The following BOP1 variants were observed in gnomAD, a reference collection of about 807,000 sequenced individuals.
BOP1 encodes BOP1 ribosomal biogenesis factor.
A neutral mutation model predicts 82.9 loss-of-function variants in BOP1; 54 were observed. The observed-to-expected ratio is 0.65, with a 90% CI of 0.52 to 0.82. The LOEUF (loss-of-function observed/expected upper bound fraction) is 0.82, where lower values mean the gene tolerates loss of function less well. Among genes scored for constraint, BOP1 ranks in the 40% least tolerant of loss-of-function variants. BOP1 has a pLI of 0.00. For missense variants in BOP1, 1,170 were observed against 1,072.0 expected, an observed-to-expected ratio of 1.09 and a Z score of -1.28; for synonymous variants, 566 against 451.1, an observed-to-expected ratio of 1.25 and a Z score of -3.23.
intron 2 of BOP1, among the ~76,000 whole-genome samples, chr8:144,280,817 A>G (rs1554838808): frequency 6.6e-6 from 1 of 151,790 alleles, no homozygotes; most frequent in Non-Finnish European, 1.5e-5. Context: ...AGGCTATTGC[A>G]CTCCAGCCCG....
Position 144,264,058 on chromosome 8 carries a change from C to T in BOP1, c.1063G>A (p.Ala355Thr), listed in dbSNP as rs1845300790. 1.9e-6 allele frequency: 3 copies of T among 1,610,216 alleles called. No homozygotes were observed. The highest frequency in any genetic ancestry group is 1.1e-5 in the South Asian group (1 of 91,050). ...CGTTCCTGGATGAAGCGTCCGTAGG[C>T]AGGCACGGCCCGCAGGCTCGGGAAC... ...RKFPSLRAVPAYGRFIQERFE... is the reference protein window; with the variant it reads ...RKFPSLRAVPTYGRFIQERFE... Residue 355 changes from alanine to threonine, a missense_variant, in exon 8 of 16, where the codon GCC (alanine) becomes ACC (threonine). Physicochemically the swap from Ala to Thr is moderately conservative, Grantham distance 58. Coordinates refer to ENST00000569669, the MANE Select transcript of BOP1 (RefSeq NM_015201.5).
At chr8:144,278,460 G>C (rs1194944723) in intron 2 of BOP1, among the ~76,000 whole-genome samples, 1 of 152,216 alleles carries the variant, frequency 6.6e-6, no homozygotes, top group African/African-American at 2.4e-5. Context: ...AGGCCAGCCA[G>C]GCCGTGCCCC....
At chr8:144,288,419 TAG>T (rs1240112936) in intron 2 of BOP1, among the ~76,000 whole-genome samples, 1 of 150,870 alleles carries the variant, frequency 6.6e-6, no homozygotes, top group Non-Finnish European at 1.5e-5. Flanking sequence ...TCCCAGCTAC[TAG>T]AGAGGCTGAG....
At chr8:144,271,660 G>C (rs1280595911) in intron 3 of BOP1, among the ~76,000 whole-genome samples, 2 of 152,006 alleles carry the variant, frequency 1.3e-5, no homozygotes, top group African/African-American at 4.8e-5. Context: ...GGTTCCAGCA[G>C]GGGTGCTGGG....
chr8:144,285,397 CA>C (rs1162176434), intron 2 of BOP1, among the ~76,000 whole-genome samples: 17 of 152,360 alleles, frequency 1.1e-4, no homozygotes, highest in African/African-American at 4.1e-4. Context: ...CACGTCTTGC[CA>C]ACCACTGTGG....
At chr8:144,267,120 C>T (rs1434250641) in intron 3 of BOP1, 8 of 1,478,102 alleles carry the variant, frequency 5.4e-6, no homozygotes, top group Non-Finnish European at 7.1e-6. Context: ...CCGCCCGCGA[C>T]GGCGAGAACA....
chr8:144,282,927 G>A (rs929002427), intron 2 of BOP1, among the ~76,000 whole-genome samples: 4 of 151,920 alleles, frequency 2.6e-5, no homozygotes, highest in African/African-American at 4.8e-5. Flanking sequence ...GGTGGCTCAC[G>A]CCTGTAATCC....
Position 144,276,282 on chromosome 8 carries a change from G to A in BOP1, c.332C>T (p.Thr111Ile), listed in dbSNP as rs1845567257. The A allele has an allele frequency of 1.2e-6, 2 of 1,613,566 alleles. No individual in the cohort carries two copies. Among genetic ancestry groups the A allele is most frequent in the Admixed American group, 1.7e-5 (1 of 60,020 alleles). Residue 111 changes from threonine (T) to isoleucine (I), a missense_variant, in exon 3 of 16, where the codon ACA becomes ATA. Physicochemically the swap from Thr to Ile is moderately conservative, Grantham distance 89. Coordinates refer to ENST00000569669, the MANE Select transcript of BOP1 (RefSeq NM_015201.5). ...QVQASTPCPRTEMASARIGDE... is the reference protein window; with the variant it reads ...QVQASTPCPRIEMASARIGDE... ...CCCAATCCGGGCGCTCGCCATCTCT[G>A]TCCTCGGGCAAGGAGTGCTGGCCTG...
chr8:144,273,743 G>A (rs1392600765), intron 3 of BOP1, among the ~76,000 whole-genome samples: 11 of 152,194 alleles, frequency 7.2e-5, no homozygotes, highest in African/African-American at 2.2e-4. Context: ...GTGGGAGAGG[G>A]GTGAGGTGGC....
intron 3 of BOP1, chr8:144,266,692 G>A: frequency 8.1e-7 from 1 of 1,238,544 alleles, no homozygotes; most frequent in Non-Finnish European, 1.0e-6. Context: ...GGAGGACGAG[G>A]ACCGCGGCAG....
At chr8:144,267,246 C>A in intron 3 of BOP1, 1 of 1,443,332 alleles carries the variant, frequency 6.9e-7, no homozygotes. Context: ...ACCTGCCAGG[C>A]AGAGGAGGCG....
chr8:144,273,602 C>T (rs1050137315), intron 3 of BOP1, among the ~76,000 whole-genome samples: 6 of 152,258 alleles, frequency 3.9e-5, no homozygotes, highest in Admixed American at 1.3e-4. Flanking sequence ...TTCTCCCAAC[C>T]GCTCAAATCA....
At chr8:144,288,098 A>T (rs1380597011) in intron 2 of BOP1, among the ~76,000 whole-genome samples, 1 of 151,154 alleles carries the variant, frequency 6.6e-6, no homozygotes, top group East Asian at 1.9e-4. Flanking sequence ...AAACCCCGTC[A>T]CTACTAAACA....
At chr8:144,272,680 C>G (rs1431842211) in intron 3 of BOP1, among the ~76,000 whole-genome samples, 6 of 151,966 alleles carry the variant, frequency 3.9e-5, no homozygotes, top group African/African-American at 1.4e-4. Flanking sequence ...GGACGCGGCT[C>G]TGAAGAGGCC....
rs1459909585 is a variant in BOP1 at position 144,269,004 on chromosome 8, GGA to G, written c.391-3935_391-3934del. ...TGTCCTGCCTCCACGAGCCTTGACT[GGA>G]GAGAGGGGCATCTCCTCATGCACCA... is the stretch of plus-strand genomic sequence containing the variant. On this transcript the variant is annotated intron_variant, in intron 3 of 15. Transcript: ENST00000569669. Among the ~76,000 whole-genome samples the G allele has an allele frequency of 1.8e-3, 279 of 152,298 alleles. 1 individual carries two copies. Among genetic ancestry groups the G allele is most frequent in the Non-Finnish European group, 3.0e-3 (206 of 67,994 alleles).
intron 3 of BOP1, 79 bp from the exon 4 acceptor site, chr8:144,265,150 A>C (rs1845331360): frequency 6.6e-7 from 1 of 1,505,816 alleles, no homozygotes; most frequent in African/African-American, 1.4e-5. Flanking sequence ...GGAGCAGGTG[A>C]GGGGGTTGCA....
intron 3 of BOP1, among the ~76,000 whole-genome samples, chr8:144,270,502 C>G (rs1845475058): frequency 6.6e-6 from 1 of 152,180 alleles, no homozygotes; most frequent in South Asian, 2.1e-4. Context: ...CTTGGCCAGC[C>G]TCAGGCCTGG....
chr8:144,265,461 C>G (rs897970226), intron 3 of BOP1: 1 of 300,762 alleles, frequency 3.3e-6, no homozygotes, highest in South Asian at 4.6e-5. Flanking sequence ...GACGGGGACT[C>G]GGGGAAGACC....
intron 2 of BOP1, among the ~76,000 whole-genome samples, chr8:144,280,891 G>C (rs954306184): frequency 6.6e-6 from 1 of 151,956 alleles, no homozygotes; most frequent in African/African-American, 2.4e-5. Context: ...TTAATACCAG[G>C]TCTTCGGCCT....
Sources: allele counts gnomAD v4.1 joint callset (sites outside exome capture counted in the v4.1 genomes callset), GRCh38; gene constraint gnomAD v4.1.1; transcripts MANE v1.5; gene names NCBI Gene and HGNC (gene_info 2026-07-23, HGNC 2026-07-21).